Variants in SLC35B4 observed in about 807,000 individuals in gnomAD.
SLC35B4 encodes nucleotide sugar transporter SLC35B4.
A neutral mutation model predicts 39.5 loss-of-function variants in SLC35B4; 28 were observed. The ratio of observed to expected loss-of-function variants is 0.71; its 90% CI spans 0.53 to 0.97. The LOEUF (loss-of-function observed/expected upper bound fraction) is 0.97. SLC35B4 is among the 50% of genes least tolerant of loss of function. The pLI is 0.00. For missense variants in SLC35B4, 334 were observed against 414.3 expected, an observed-to-expected ratio of 0.81 and a Z score of 1.68; for synonymous variants, 145 against 150.4, an observed-to-expected ratio of 0.96 and a Z score of 0.26.
chr7:134,312,474 G>C (rs1319567310), intron 1 of SLC35B4, among the ~76,000 whole-genome samples: 1 of 152,052 alleles, frequency 6.6e-6, no homozygotes, highest in Non-Finnish European at 1.5e-5. Context: ...ATGCGAAGGA[G>C]GACGTCAGAA....
chr7:134,304,123 T>G, intron 4 of SLC35B4, among the ~76,000 whole-genome samples: 1 of 152,190 alleles, frequency 6.6e-6, no homozygotes, highest in East Asian at 1.9e-4. Flanking sequence ...ACATCTGGGC[T>G]CTCCAACGTG....
At chr7:134,306,219 C>T (rs1803705806) in intron 3 of SLC35B4, among the ~76,000 whole-genome samples, 3 of 147,558 alleles carry the variant, frequency 2.0e-5, no homozygotes, top group African/African-American at 7.6e-5. Flanking sequence ...ACCCTACCTT[C>T]ATCAAGAATT....
chr7:134,311,848 A>G (rs1803847915), intron 1 of SLC35B4, among the ~76,000 whole-genome samples: 1 of 152,160 alleles, frequency 6.6e-6, no homozygotes, highest in Non-Finnish European at 1.5e-5. Context: ...ATGTGAGTGC[A>G]TGTGTCGCTG....
upstream of SLC35B4, among the ~76,000 whole-genome samples, chr7:134,319,677 T>C (rs1029932155): frequency 1.3e-5 from 2 of 152,240 alleles, no homozygotes; most frequent in Admixed American, 6.5e-5. Flanking sequence ...GAATGTTCAC[T>C]AATGTTTCCC....
chr7:134,303,617 C>T (rs1320160815), intron 4 of SLC35B4, among the ~76,000 whole-genome samples: 1 of 152,090 alleles, frequency 6.6e-6, no homozygotes, highest in Non-Finnish European at 1.5e-5. Context: ...ATGACACAGC[C>T]CTTAATACTT....
intron 2 of SLC35B4, among the ~76,000 whole-genome samples, chr7:134,308,677 C>A (rs1358006998): frequency 3.9e-5 from 6 of 152,148 alleles, no homozygotes; most frequent in Non-Finnish European, 8.8e-5. Context: ...GTGACATCAT[C>A]CTACTAAATA....
rs377651838 is a variant in SLC35B4 at position 134,296,444 on chromosome 7, G to A, written c.696C>T (p.Ile232=). 63 of 1,613,658 alleles carry A rather than the reference G, an allele frequency of 3.9e-5. No homozygotes were observed. Among genetic ancestry groups the A allele is most frequent in the South Asian group, 5.5e-5 (5 of 90,990 alleles). Residue 232 remains isoleucine (I), a synonymous_variant, in exon 9 of 10, where the codon ATC becomes ATT. Coordinates refer to ENST00000378509, the MANE Select transcript of SLC35B4 (RefSeq NM_032826.5). ...ACCACATGATGGGCAGGGTCACTCC[G>A]ATGACGGGAATTTCATATAACTCTG... ...NKSELYEIPV[I]GVTLPIMWFY... is the part of the protein sequence containing the mutation.
chr7:134,309,191 G>A (rs1189225889), intron 2 of SLC35B4, among the ~76,000 whole-genome samples, 175 bp downstream of exon 2: 1 of 152,082 alleles, frequency 6.6e-6, no homozygotes, highest in African/African-American at 2.4e-5. Flanking sequence ...TTTTATTTTC[G>A]AAGTAGGTAC....
intron 1 of SLC35B4, among the ~76,000 whole-genome samples, chr7:134,310,826 C>T (rs749364641): frequency 1.3e-5 from 2 of 152,150 alleles, no homozygotes; most frequent in African/African-American, 2.4e-5. Context: ...GGATTACAGG[C>T]GTGAGCCACC....
At chr7:134,295,368 C>T (rs750613509) in intron 9 of SLC35B4, among the ~76,000 whole-genome samples, 11 of 152,142 alleles carry the variant, frequency 7.2e-5, no homozygotes, top group South Asian at 2.1e-4. Context: ...CAGAGGGTGA[C>T]GCTCTCGGTA....
intron 9 of SLC35B4, among the ~76,000 whole-genome samples, chr7:134,296,036 C>T (rs1237712026): frequency 6.6e-6 from 1 of 152,026 alleles, no homozygotes; most frequent in Non-Finnish European, 1.5e-5. Flanking sequence ...ACCATGTTGG[C>T]CAGGCTGGTC....
Position 134,291,727 on chromosome 7 carries a change from T to C in SLC35B4, c.*3106A>G, listed in dbSNP as rs2042914526. ...AAAGTATTTGGATTTGTCTAAATAC[T>C]TTAGAACTTGATATAAATGTATCAA... is the stretch of plus-strand genomic sequence containing the variant. On this transcript the variant is annotated 3_prime_UTR_variant, in exon 10 of 10. Transcript: ENST00000378509. 1 of 152,242 alleles carries C rather than the reference T, an allele frequency of 6.6e-6. No individual in the cohort carries two copies. Among genetic ancestry groups the C allele is most frequent in the African/African-American group, 2.4e-5 (1 of 41,458 alleles). 9.4% of individuals were successfully genotyped at this position (152,242 alleles called of 1,614,324 possible).
intron 4 of SLC35B4, among the ~76,000 whole-genome samples, chr7:134,303,862 T>G (rs1345419487): frequency 6.6e-6 from 1 of 152,140 alleles, no homozygotes; most frequent in Non-Finnish European, 1.5e-5. Flanking sequence ...ACAAAAACTT[T>G]GAAAAAGCAT....
intron 1 of SLC35B4, among the ~76,000 whole-genome samples, chr7:134,313,965 A>G (rs985240710): frequency 3.3e-5 from 5 of 152,190 alleles, no homozygotes; most frequent in African/African-American, 1.2e-4. Flanking sequence ...ACCACTGATT[A>G]TTTTAATAAA....
intron 4 of SLC35B4, among the ~76,000 whole-genome samples, chr7:134,303,561 C>G (rs2598291): frequency 0.5 from 76,611 of 151,930 alleles, 19,853 homozygotes; most frequent in African/African-American, 0.6. Flanking sequence ...AGGAGATAAA[C>G]GGTCCATGAT....
At position 134,289,456 on chromosome 7, in the gene SLC35B4, A is replaced by C. The variant is rs1399343912; in HGVS notation, c.*5377T>G. 1 of 152,578 alleles carries C rather than the reference A, an allele frequency of 6.6e-6. No individual in the cohort carries two copies. Among genetic ancestry groups the C allele is most frequent in the Non-Finnish European group, 1.5e-5 (1 of 68,042 alleles). 9.5% of individuals were successfully genotyped at this position (152,578 alleles called of 1,614,324 possible). A position where few individuals can be genotyped will look rare whatever the true frequency, so the allele number is the denominator to read the frequency against. On this transcript the variant is annotated 3_prime_UTR_variant, in exon 10 of 10. Transcript: ENST00000378509. Reference sequence around the variant, plus strand: ...ACAGCTCAAAATCTGAATACCCACTAATGTCTTGTAGCTGTTCTACGTACT... The same window carrying C: ...ACAGCTCAAAATCTGAATACCCACTCATGTCTTGTAGCTGTTCTACGTACT...
chr7:134,319,467 G>C (rs1380768659), upstream of SLC35B4, among the ~76,000 whole-genome samples: 1 of 151,974 alleles, frequency 6.6e-6, no homozygotes, highest in Non-Finnish European at 1.5e-5. Context: ...TTCCTTAATG[G>C]GCTCTCCTCC....
chr7:134,309,319 C>T (rs1452226974), intron 2 of SLC35B4, 47 bp downstream of exon 2: 3 of 1,241,690 alleles, frequency 2.4e-6, no homozygotes, highest in Non-Finnish European at 2.2e-6. Context: ...CACCTCTTTA[C>T]TTTCTTAAAA....
intron 1 of SLC35B4, among the ~76,000 whole-genome samples, chr7:134,312,567 C>A (rs182479890): frequency 6.6e-6 from 1 of 152,266 alleles, no homozygotes; most frequent in East Asian, 1.9e-4. Context: ...AGTGACCCAC[C>A]TTTACTCAAG....
Sources: gnomAD v4.1 joint callset for allele counts (sites outside exome capture counted in the v4.1 genomes callset) on GRCh38, gnomAD v4.1.1 for gene constraint, MANE v1.5 for transcripts, NCBI Gene and HGNC (gene_info 2026-07-23, HGNC 2026-07-21) for gene names.